Variants in CNTN4 observed in about 807,000 individuals in gnomAD.
The protein encoded by CNTN4 is contactin 4.
Under a neutral mutation model 122.5 loss-of-function variants are expected in CNTN4, and 77 were observed. That is an observed-to-expected ratio of 0.63 (90% CI 0.52 to 0.76). CNTN4 has a LOEUF of 0.76. Ranked by LOEUF, CNTN4 falls within the 30% of genes least tolerant of loss-of-function variation. The pLI is 0.00. For synonymous variants in CNTN4, 512 were observed against 447.0 expected (o/e 1.15, Z -1.83); for missense variants, 1,256 against 1,259.1 (o/e 1.00, Z 0.04).
intron 2 of CNTN4, among the ~76,000 whole-genome samples, chr3:2,189,815 T>C (rs1174074257): frequency 1.3e-5 from 2 of 152,146 alleles, no homozygotes; most frequent in African/African-American, 4.8e-5. Flanking sequence ...TTTCAGTGAG[T>C]GATTCTCAGG....
At chr3:2,634,192 A>G (rs1003435084) in intron 4 of CNTN4, among the ~76,000 whole-genome samples, 2 of 152,224 alleles carry the variant, frequency 1.3e-5, no homozygotes, top group African/African-American at 4.8e-5. Flanking sequence ...GTATTAGCTT[A>G]TATGTATAAA....
chr3:2,443,101 C>G lies in CNTN4; in HGVS notation c.-89+103868C>G, dbSNP rs549044437. ...AACAAACGCCCATGACGTGTGTTTA[C>G]CTGTGTAACAAACCTTCACATGTAC... On this transcript the variant is annotated intron_variant, in intron 3 of 24. Transcript: ENST00000418658. 4.0e-5 allele frequency among the ~76,000 whole-genome samples: 6 copies of G among 150,788 alleles called. No homozygotes were observed. In the East Asian group the frequency reaches 1.2e-3, roughly 29 times the overall value.
At chr3:2,493,260 A>C (rs2076366321) in intron 3 of CNTN4, among the ~76,000 whole-genome samples, 1 of 151,980 alleles carries the variant, frequency 6.6e-6, no homozygotes, top group African/African-American at 2.4e-5. Flanking sequence ...AAGATAATTG[A>C]CTCAATGGGA....
intron 3 of CNTN4, among the ~76,000 whole-genome samples, chr3:2,506,478 T>A (rs2076734088): frequency 6.6e-6 from 1 of 152,214 alleles, no homozygotes; most frequent in African/African-American, 2.4e-5. Flanking sequence ...GGGAAGAAGA[T>A]GCTGAGAGAT....
chr3:2,471,773 T>C (rs2075692921), intron 3 of CNTN4, among the ~76,000 whole-genome samples: 1 of 152,226 alleles, frequency 6.6e-6, no homozygotes, highest in Non-Finnish European at 1.5e-5. Flanking sequence ...GTCAAAATCA[T>C]TTGCCAATGA....
chr3:3,032,798 G>A (rs1699285141), intron 16 of CNTN4, among the ~76,000 whole-genome samples: 1 of 152,152 alleles, frequency 6.6e-6, no homozygotes, highest in Non-Finnish European at 1.5e-5. Context: ...ACATGCCCCT[G>A]AGTGTGTTAT....
At chr3:2,677,486 C>G (rs1011017539) in intron 4 of CNTN4, among the ~76,000 whole-genome samples, 1 of 64,042 alleles carries the variant, frequency 1.6e-5, no homozygotes, top group South Asian at 5.8e-4. Flanking sequence ...CCATCTATAT[C>G]TATCTATCTA....
At chr3:2,253,128 T>TA (rs199657304) in intron 2 of CNTN4, among the ~76,000 whole-genome samples, 16,394 of 152,172 alleles carry the variant, frequency 0.11, 1,066 homozygotes, top group Middle Eastern at 0.15. Context: ...TTTTTTCAAT[T>TA]GAATTGAAAT....
At chr3:2,303,172 C>T (rs7355959) in intron 2 of CNTN4, among the ~76,000 whole-genome samples, 1,672 of 152,060 alleles carry the variant, frequency 0.011, 27 homozygotes, top group African/African-American at 0.039. Flanking sequence ...AGAGCCATGG[C>T]GTAAATCTGT....
intron 3 of CNTN4, among the ~76,000 whole-genome samples, chr3:2,434,908 A>T (rs1017041822): frequency 3.3e-5 from 5 of 152,176 alleles, no homozygotes; most frequent in Admixed American, 3.3e-4. Flanking sequence ...TGGCAATAGG[A>T]AGCATTTAAA....
At position 3,057,619 on chromosome 3, in the gene CNTN4, C is replaced by T. The variant is rs1559848742; in HGVS notation, c.*1399C>T. ...AGAACTCAAATTTGCTATAGTTTGT[C>T]ATTTTTGCTTACAAATAATATAACT... On this transcript the variant is annotated 3_prime_UTR_variant, in exon 25 of 25. Transcript: ENST00000418658. 1 of 152,546 alleles carries T rather than the reference C, an allele frequency of 6.6e-6. No homozygotes were observed. Among genetic ancestry groups the T allele is most frequent in the Non-Finnish European group, 1.5e-5 (1 of 67,996 alleles). 9.4% of individuals were successfully genotyped at this position (152,546 alleles called of 1,614,324 possible).
chr3:2,315,346 G>A (rs2043059828), intron 2 of CNTN4, among the ~76,000 whole-genome samples: 1 of 151,970 alleles, frequency 6.6e-6, no homozygotes, highest in Admixed American at 6.6e-5. Context: ...GGGCTGTCTT[G>A]TTGACACTCA....
chr3:2,268,637 GTCTA>G (rs1263287730), intron 2 of CNTN4, among the ~76,000 whole-genome samples: 2 of 152,008 alleles, frequency 1.3e-5, no homozygotes, highest in Non-Finnish European at 1.5e-5. Context: ...CTCTATTTCT[GTCTA>G]TCTATCTGTC....
chr3:2,545,934 A>G (rs907401480), intron 3 of CNTN4, among the ~76,000 whole-genome samples: 1 of 152,150 alleles, frequency 6.6e-6, no homozygotes, highest in Non-Finnish European at 1.5e-5. Flanking sequence ...ATCACTAATC[A>G]TTAGATTAAT....
At chr3:2,169,474 T>C (rs1470175878) in intron 2 of CNTN4, among the ~76,000 whole-genome samples, 3 of 152,074 alleles carry the variant, frequency 2.0e-5, no homozygotes, top group Non-Finnish European at 4.4e-5. Context: ...TGGCGCGATC[T>C]CGGCTCACTG....
intron 7 of CNTN4, among the ~76,000 whole-genome samples, chr3:2,866,126 T>C (rs998184289): frequency 2.0e-5 from 3 of 152,096 alleles, no homozygotes; most frequent in Non-Finnish European, 4.4e-5. Flanking sequence ...AAGAAAAAAT[T>C]TGAGTTGATA....
intron 4 of CNTN4, among the ~76,000 whole-genome samples, chr3:2,645,813 A>C (rs908045859): frequency 6.6e-6 from 1 of 152,196 alleles, no homozygotes; most frequent in African/African-American, 2.4e-5. Context: ...ATAATATTCA[A>C]AACAAGGAAA....
intron 6 of CNTN4, among the ~76,000 whole-genome samples, chr3:2,812,519 C>T (rs1247021142): frequency 2.0e-5 from 3 of 152,024 alleles, no homozygotes; most frequent in South Asian, 2.1e-4. Flanking sequence ...TTAGGACTAG[C>T]AGAAGAGGAT....
At chr3:2,843,805 A>C (rs1367338825) in intron 7 of CNTN4, among the ~76,000 whole-genome samples, 2 of 152,204 alleles carry the variant, frequency 1.3e-5, no homozygotes, top group African/African-American at 2.4e-5. Context: ...AATTAAGCTA[A>C]TTTTCTTATA....
Sources: allele counts gnomAD v4.1 joint callset (sites outside exome capture counted in the v4.1 genomes callset), GRCh38; gene constraint gnomAD v4.1.1; transcripts MANE v1.5; gene names NCBI Gene and HGNC (gene_info 2026-07-23, HGNC 2026-07-21).